Variants in NAALADL2 observed in about 807,000 individuals in gnomAD.
NAALADL2 encodes the protein N-acetylated alpha-linked acidic dipeptidase like 2.
A neutral mutation model predicts 87.2 loss-of-function variants in NAALADL2; 76 were observed. The ratio of observed to expected loss-of-function variants is 0.87; its 90% CI spans 0.72 to 1.05. The LOEUF (loss-of-function observed/expected upper bound fraction) is 1.05, where lower values mean the gene tolerates loss of function less well. Ranked by LOEUF, NAALADL2 falls within the 50% of genes least tolerant of loss-of-function variation. The pLI is 0.00. For missense variants in NAALADL2, 1,089 were observed against 945.8 expected (o/e 1.15, Z -1.99); for synonymous variants, 354 against 331.0 (o/e 1.07, Z -0.75).
intron 2 of NAALADL2, among the ~76,000 whole-genome samples, chr3:175,150,109 A>T (rs1731327311): frequency 6.6e-6 from 1 of 152,146 alleles, no homozygotes; most frequent in Non-Finnish European, 1.5e-5. Flanking sequence ...TGCAGATGAA[A>T]TTTCTAGATC....
intron 2 of NAALADL2, among the ~76,000 whole-genome samples, chr3:175,229,577 A>G (rs1395332558): frequency 6.6e-6 from 1 of 151,962 alleles, no homozygotes; most frequent in Non-Finnish European, 1.5e-5. Context: ...GGTATCTGGT[A>G]AGGGCCTGCT....
At chr3:174,524,434 C>T (rs528392144) in intron 1 of NAALADL2, among the ~76,000 whole-genome samples, 1 of 152,178 alleles carries the variant, frequency 6.6e-6, no homozygotes, top group East Asian at 1.9e-4. Context: ...TCACAATATA[C>T]TGTAGCCACA....
At chr3:175,512,941 T>G (rs555463470) in intron 9 of NAALADL2, among the ~76,000 whole-genome samples, 1 of 152,286 alleles carries the variant, frequency 6.6e-6, no homozygotes, top group Admixed American at 6.5e-5. Context: ...GTTCCTCTAT[T>G]GTTCAGACTT....
At position 174,641,908 on chromosome 3, in the gene NAALADL2, C is replaced by T. The variant is rs6767620; in HGVS notation, c.-115+91271C>T. ...AGGAGGTGAGACCACAAGCATGGGC[C>T]ACTACGCCCAGCTGACTTTTAAATT... On this transcript the variant is annotated intron_variant, in intron 2 of 3. Transcript: ENST00000434257. 4.5e-3 allele frequency among the ~76,000 whole-genome samples: 689 copies of T among 152,214 alleles called. 4 individuals are homozygous for T. The highest frequency in any genetic ancestry group is 0.017 in the Middle Eastern group (5 of 294).
At chr3:175,444,595 T>C (rs1253412349) in intron 5 of NAALADL2, among the ~76,000 whole-genome samples, 1 of 152,192 alleles carries the variant, frequency 6.6e-6, no homozygotes, top group Admixed American at 6.5e-5. Context: ...GGCCCCACAC[T>C]TGATTTAATG....
At chr3:175,089,921 G>A (rs1400010461) in intron 1 of NAALADL2, among the ~76,000 whole-genome samples, 2 of 152,032 alleles carry the variant, frequency 1.3e-5, no homozygotes, top group African/African-American at 4.8e-5. Flanking sequence ...TATTACAGTG[G>A]CTTTCTTTTA....
At chr3:175,464,635 C>G (rs1723699330) in intron 7 of NAALADL2, among the ~76,000 whole-genome samples, 1 of 152,040 alleles carries the variant, frequency 6.6e-6, no homozygotes, top group Non-Finnish European at 1.5e-5. Context: ...GAGAATTATT[C>G]TTTTCCATGA....
intron 2 of NAALADL2, among the ~76,000 whole-genome samples, chr3:175,226,445 T>G (rs1340385247): frequency 6.6e-6 from 1 of 152,138 alleles, no homozygotes; most frequent in Admixed American, 6.6e-5. Context: ...TTTTTATTGC[T>G]TTTGGAAAGC....
At chr3:175,704,397 G>A (rs1249200942) in intron 11 of NAALADL2, among the ~76,000 whole-genome samples, 1 of 152,070 alleles carries the variant, frequency 6.6e-6, no homozygotes, top group Admixed American at 6.5e-5. Flanking sequence ...TAATACTTCT[G>A]CACAAACCCC....
intron 2 of NAALADL2, among the ~76,000 whole-genome samples, chr3:174,612,936 G>C (rs989598926): frequency 7.2e-5 from 11 of 152,110 alleles, no homozygotes; most frequent in African/African-American, 2.7e-4. Context: ...CATCCTTCTT[G>C]GGAGAGCTTT....
intron 9 of NAALADL2, 73 bp downstream of exon 9, chr3:175,471,831 T>A: frequency 7.7e-7 from 1 of 1,290,796 alleles, no homozygotes; most frequent in Non-Finnish European, 1.1e-6. Context: ...CATTTCTTGA[T>A]TTTTTCATTT....
chr3:175,022,559 C>A (rs1311406391), intron 1 of NAALADL2, among the ~76,000 whole-genome samples: 2 of 152,006 alleles, frequency 1.3e-5, no homozygotes, highest in Admixed American at 1.3e-4. Flanking sequence ...AGGTTATGAA[C>A]CTTGCTGCTC....
At chr3:174,658,684 CA>C (rs1725216583) in intron 2 of NAALADL2, among the ~76,000 whole-genome samples, 1 of 151,934 alleles carries the variant, frequency 6.6e-6, no homozygotes, top group South Asian at 2.1e-4. Context: ...AATATTTGGC[CA>C]GATTAATATA....
chr3:175,401,625 T>C (rs1244827846), intron 5 of NAALADL2, among the ~76,000 whole-genome samples: 1 of 152,156 alleles, frequency 6.6e-6, no homozygotes, highest in Non-Finnish European at 1.5e-5. Flanking sequence ...GACATGTTAC[T>C]GTACTGAACA....
At chr3:175,602,520 C>T (rs894223664) in intron 10 of NAALADL2, among the ~76,000 whole-genome samples, 1 of 151,782 alleles carries the variant, frequency 6.6e-6, no homozygotes, top group African/African-American at 2.4e-5. Context: ...TGTCAACACA[C>T]ACACATTATT....
At chr3:174,494,444 A>G (rs536850690) in intron 1 of NAALADL2, among the ~76,000 whole-genome samples, 1 of 140,528 alleles carries the variant, frequency 7.1e-6, no homozygotes, top group East Asian at 2.0e-4. Flanking sequence ...TGGACACGGG[A>G]TGGGGAACAT....
chr3:174,492,087 T>C (rs1350302942), intron 1 of NAALADL2, among the ~76,000 whole-genome samples: 1 of 152,008 alleles, frequency 6.6e-6, no homozygotes, highest in Admixed American at 6.6e-5. Flanking sequence ...CTGGCCAACA[T>C]GGTGAAACTC....
At chr3:174,952,883 G>T (rs902066307) in intron 1 of NAALADL2, among the ~76,000 whole-genome samples, 1 of 151,982 alleles carries the variant, frequency 6.6e-6, no homozygotes, top group African/African-American at 2.4e-5. Flanking sequence ...GAATATTTTT[G>T]ATCATTTTAG....
intron 9 of NAALADL2, among the ~76,000 whole-genome samples, chr3:175,481,412 T>C (rs913525466): frequency 2.0e-5 from 3 of 151,316 alleles, no homozygotes; most frequent in African/African-American, 4.9e-5. Flanking sequence ...ATTAGGAAGC[T>C]TGGGGAACAA....
Sources: gnomAD v4.1 joint callset for allele counts (sites outside exome capture counted in the v4.1 genomes callset) on GRCh38, gnomAD v4.1.1 for gene constraint, MANE v1.5 for transcripts, NCBI Gene and HGNC (gene_info 2026-07-23, HGNC 2026-07-21) for gene names.